Variants in RFC3 observed in about 807,000 individuals in gnomAD.
RFC3 encodes replication factor C subunit 3.
A neutral mutation model predicts 45.1 loss-of-function variants in RFC3; 41 were observed. That is an observed-to-expected ratio of 0.91 (90% CI 0.71 to 1.18). The LOEUF (loss-of-function observed/expected upper bound fraction) is 1.18. Among genes scored for constraint, RFC3 ranks in the 50% most tolerant of loss-of-function variants. The pLI, the probability that RFC3 is intolerant of heterozygous loss-of-function variation, is 0.00. For missense variants in RFC3, 423 were observed against 428.1 expected, an observed-to-expected ratio of 0.99 and a Z score of 0.10; for synonymous variants, 149 against 144.0, an observed-to-expected ratio of 1.03 and a Z score of -0.25.
chr13:33,868,873 C>T (rs1419610134), intron 8 of RFC3, among the ~76,000 whole-genome samples: 1 of 152,198 alleles, frequency 6.6e-6, no homozygotes, highest in Non-Finnish European at 1.5e-5. Flanking sequence ...AACAAAAAGG[C>T]CAGACACTCC....
intron 8 of RFC3, among the ~76,000 whole-genome samples, chr13:33,881,607 G>T (rs1324531588): frequency 2.6e-5 from 4 of 151,942 alleles, no homozygotes; most frequent in African/African-American, 9.7e-5. Context: ...TCCTCTCGGG[G>T]GCTATTTCGA....
intron 8 of RFC3, among the ~76,000 whole-genome samples, chr13:33,858,428 AT>A (rs56277001): frequency 0.061 from 9,294 of 152,238 alleles, 427 homozygotes; most frequent in South Asian, 0.15. Flanking sequence ...GGTAAAAGCA[AT>A]TCTGCGGCTA....
At chr13:33,846,755 G>C (rs9528227) in intron 8 of RFC3, 106,567 of 151,804 alleles carry the variant, frequency 0.7, 41,982 homozygotes, top group Non-Finnish European at 0.9. Context: ...AGCCCATGAT[G>C]ATGGTGCTAG....
intron 8 of RFC3, among the ~76,000 whole-genome samples, chr13:33,951,261 C>T (rs1437727046): frequency 1.4e-5 from 2 of 145,656 alleles, no homozygotes; most frequent in Non-Finnish European, 1.5e-5. Flanking sequence ...GAGACAGAGT[C>T]TCGCTCTGTT....
intron 8 of RFC3, among the ~76,000 whole-genome samples, chr13:33,870,072 T>G (rs1477836780): frequency 6.6e-6 from 1 of 152,232 alleles, no homozygotes; most frequent in Non-Finnish European, 1.5e-5. Context: ...GTACCTAGAA[T>G]CTAGTTCTTA....
At chr13:33,892,987 G>T (rs2082572925) in intron 8 of RFC3, among the ~76,000 whole-genome samples, 1 of 152,112 alleles carries the variant, frequency 6.6e-6, no homozygotes, top group Non-Finnish European at 1.5e-5. Context: ...ACCATCTTGG[G>T]AGCCTTGGCA....
At chr13:33,863,322 C>T (rs1395546014) in intron 8 of RFC3, among the ~76,000 whole-genome samples, 1 of 152,132 alleles carries the variant, frequency 6.6e-6, no homozygotes, top group Admixed American at 6.5e-5. Flanking sequence ...GGTTTAATTT[C>T]TGTTTGGGGT....
chr13:33,852,906 G>A (rs9528255), intron 8 of RFC3, among the ~76,000 whole-genome samples: 123,167 of 152,094 alleles, frequency 0.81, 51,371 homozygotes, highest in Non-Finnish European at 0.93. Context: ...AGACTGCTTT[G>A]GCTTAATGCA....
At chr13:33,947,847 C>G (rs2082963789) in intron 8 of RFC3, among the ~76,000 whole-genome samples, 1 of 152,150 alleles carries the variant, frequency 6.6e-6, no homozygotes, top group East Asian at 1.9e-4. Flanking sequence ...ATCTGTGGAA[C>G]TTTGAACTTG....
intron 8 of RFC3, among the ~76,000 whole-genome samples, chr13:33,938,341 A>G (rs1593705693): frequency 6.6e-6 from 1 of 152,146 alleles, no homozygotes; most frequent in Admixed American, 6.5e-5. Context: ...AAAATCATAA[A>G]TATATTTTTT....
chr13:33,858,652 C>T (rs2082321840), intron 8 of RFC3, among the ~76,000 whole-genome samples: 1 of 152,134 alleles, frequency 6.6e-6, no homozygotes, highest in Non-Finnish European at 1.5e-5. Context: ...TTTGGACCCA[C>T]GGTCATACCT....
chr13:33,915,308 T>C (rs2082725896), intron 8 of RFC3, among the ~76,000 whole-genome samples: 1 of 152,174 alleles, frequency 6.6e-6, no homozygotes, highest in African/African-American at 2.4e-5. Flanking sequence ...GGTTTGTAAA[T>C]GCCAGTACAC....
chr13:33,874,556 T>C (rs535164643), intron 8 of RFC3, among the ~76,000 whole-genome samples: 21 of 152,322 alleles, frequency 1.4e-4, no homozygotes, highest in Non-Finnish European at 3.1e-4. Flanking sequence ...TGACCTCGGG[T>C]GATCCACCTG....
intron 8 of RFC3, among the ~76,000 whole-genome samples, chr13:33,921,340 C>A (rs1301879091): frequency 6.6e-6 from 1 of 152,144 alleles, no homozygotes; most frequent in Admixed American, 6.5e-5. Context: ...TCAAGTAAGT[C>A]TTCCTGAAGG....
At position 33,819,821 on chromosome 13, in the gene RFC3, T is replaced by A. The variant is rs531339183; in HGVS notation, c.88-1311T>A. 7.5e-4 allele frequency among the ~76,000 whole-genome samples: 114 copies of A among 152,318 alleles called. No individual in the cohort carries two copies. In the South Asian group the frequency reaches 8.1e-3, roughly 11 times the overall value. ...TAAGAAATGTTCACCTGTTTACTCT[T>A]TTATTTGCAGCTTAATCAAACTATG... On this transcript the variant is annotated intron_variant, in intron 1 of 8. Transcript: ENST00000380071.
Position 33,937,881 on chromosome 13 carries a change from C to T in RFC3, c.880-28206C>T, listed in dbSNP as rs75684096. 8.6e-3 allele frequency among the ~76,000 whole-genome samples: 1,306 copies of T among 152,128 alleles called. 6 individuals carry two copies. The highest frequency in any genetic ancestry group is 0.013 in the Non-Finnish European group (895 of 67,992). On this transcript the variant is annotated intron_variant, in intron 8 of 8. Coordinates refer to the RFC3 transcript ENST00000434425. ...ACTAGCCATTAACATTTGTGGGGTGCCTGTGGAGTATCTGGCTCTCCTAGT... is the reference window on the plus strand; with the variant it reads ...ACTAGCCATTAACATTTGTGGGGTGTCTGTGGAGTATCTGGCTCTCCTAGT...
intron 8 of RFC3, among the ~76,000 whole-genome samples, chr13:33,915,160 A>G (rs1348018526): frequency 2.0e-5 from 3 of 152,180 alleles, no homozygotes; most frequent in Non-Finnish European, 4.4e-5. Flanking sequence ...ATTTACAAGT[A>G]TATTGAATTT....
At chr13:33,888,248 G>A (rs1488809107) in intron 8 of RFC3, among the ~76,000 whole-genome samples, 1 of 152,130 alleles carries the variant, frequency 6.6e-6, no homozygotes, top group Non-Finnish European at 1.5e-5. Context: ...AGTTCAGGGG[G>A]CACCATTACA....
At chr13:33,964,368 C>T (rs1462914591) in intron 8 of RFC3, among the ~76,000 whole-genome samples, 7 of 152,128 alleles carry the variant, frequency 4.6e-5, no homozygotes, top group East Asian at 1.9e-4. Flanking sequence ...CTTCTGTGAG[C>T]CAGATGGGTG....
Sources: gnomAD v4.1 joint callset for allele counts (sites outside exome capture counted in the v4.1 genomes callset) on GRCh38, gnomAD v4.1.1 for gene constraint, MANE v1.5 for transcripts, NCBI Gene and HGNC (gene_info 2026-07-23, HGNC 2026-07-21) for gene names.